Variants in MAST2 observed in about 807,000 individuals in gnomAD.
MAST2 encodes the protein microtubule associated serine/threonine kinase 2.
Under a neutral mutation model 147.4 loss-of-function variants are expected in MAST2, and 70 were observed. The observed-to-expected ratio is 0.47, with a 90% confidence interval of 0.39 to 0.58. The LOEUF (loss-of-function observed/expected upper bound fraction) is 0.58. Ranked by LOEUF, MAST2 falls within the 20% of genes least tolerant of loss-of-function variation. The probability of loss-of-function intolerance (pLI) is 0.00; values close to 1 mark genes in which losing one functional copy is unlikely to be tolerated. For synonymous variants in MAST2, 869 were observed against 896.8 expected, an observed-to-expected ratio of 0.97 and a Z score of 0.55; for missense variants, 2,080 against 2,302.3, an observed-to-expected ratio of 0.90 and a Z score of 1.98.
At chr1:45,952,985 T>C (rs543433441) in intron 4 of MAST2, among the ~76,000 whole-genome samples, 88 of 152,280 alleles carry the variant, frequency 5.8e-4, no homozygotes, top group African/African-American at 2.0e-3. Context: ...AATTTGGCAA[T>C]GTAAAAGTAA....
At chr1:45,915,054 C>T (rs759727473) in intron 4 of MAST2, among the ~76,000 whole-genome samples, 1 of 152,138 alleles carries the variant, frequency 6.6e-6, no homozygotes, top group Non-Finnish European at 1.5e-5. Context: ...ATCCTTCCAC[C>T]TCAGCAGCTG....
intron 3 of MAST2, among the ~76,000 whole-genome samples, chr1:45,854,709 GT>G (rs1452645408): frequency 1.3e-5 from 2 of 151,798 alleles, no homozygotes; most frequent in Admixed American, 6.6e-5. Flanking sequence ...ACATTTATGG[GT>G]TTTTTTTCCC....
chr1:45,911,645 C>A (rs1349415662), intron 4 of MAST2, among the ~76,000 whole-genome samples: 1 of 151,872 alleles, frequency 6.6e-6, no homozygotes, highest in Non-Finnish European at 1.5e-5. Context: ...TGCTACTTTT[C>A]TACTTACCAT....
intron 8 of MAST2, 66 bp from the exon 9 acceptor site, chr1:46,008,230 A>C (rs3922886): frequency 9.2e-7 from 1 of 1,086,566 alleles, no homozygotes; most frequent in Non-Finnish European, 1.4e-6. Context: ...GTCTCTGGGG[A>C]TGGCCATCTT....
chr1:45,886,913 T>TA (rs555134557), intron 4 of MAST2, among the ~76,000 whole-genome samples: 1 of 152,100 alleles, frequency 6.6e-6, no homozygotes, highest in Non-Finnish European at 1.5e-5. Context: ...TGCAGCCTGG[T>TA]CCTCCCTGGC....
At chr1:45,822,693 C>G (rs1644674301) in intron 1 of MAST2, among the ~76,000 whole-genome samples, 1 of 151,698 alleles carries the variant, frequency 6.6e-6, no homozygotes. Context: ...AGCTTGATGT[C>G]TTCCAAGGCC....
At chr1:46,010,467 A>G (rs1294129976) in intron 9 of MAST2, among the ~76,000 whole-genome samples, 1 of 152,198 alleles carries the variant, frequency 6.6e-6, no homozygotes, top group African/African-American at 2.4e-5. Context: ...CCGTACAGCA[A>G]AAGAGCTTGC....
chr1:45,921,458 G>A lies in MAST2; in HGVS notation c.501-37928G>A, dbSNP rs1216705339. ...AGGCTGCACTTGCCTCAAGCTACCA[G>A]CCTGGATCCCATGCCTCCAAAGAGA... On this transcript the variant is annotated intron_variant, in intron 4 of 28. Coordinates refer to ENST00000361297, the MANE Select transcript of MAST2 (RefSeq NM_015112.3). 3.9e-5 allele frequency among the ~76,000 whole-genome samples: 6 copies of A among 152,242 alleles called. No homozygotes were observed. In the East Asian group the frequency reaches 1.2e-3, roughly 29 times the overall value.
intron 2 of MAST2, 93 bp downstream of exon 2, chr1:45,824,673 T>C (rs1269953317): frequency 3.1e-5 from 40 of 1,303,904 alleles, no homozygotes; most frequent in Non-Finnish European, 4.1e-5. Flanking sequence ...GACAGTTTCT[T>C]CTCTGGTAGT....
intron 5 of MAST2, among the ~76,000 whole-genome samples, chr1:45,962,746 C>A (rs1473246252): frequency 6.6e-6 from 1 of 152,166 alleles, no homozygotes; most frequent in African/African-American, 2.4e-5. Context: ...ATGGTGATTT[C>A]TTTTTCTGTG....
At chr1:45,963,372 G>C (rs1184615602) in intron 5 of MAST2, among the ~76,000 whole-genome samples, 1 of 152,076 alleles carries the variant, frequency 6.6e-6, no homozygotes, top group Non-Finnish European at 1.5e-5. Context: ...CCATTTTCAC[G>C]ATATTGATTC....
At chr1:45,808,761 T>G (rs1050578122) in intron 1 of MAST2, among the ~76,000 whole-genome samples, 6 of 152,224 alleles carry the variant, frequency 3.9e-5, no homozygotes, top group Non-Finnish European at 8.8e-5. Context: ...CCCTGGCTAA[T>G]GGTAAGTGCT....
At chr1:45,805,942 C>A (rs2148620133) in intron 1 of MAST2, among the ~76,000 whole-genome samples, 1 of 152,324 alleles carries the variant, frequency 6.6e-6, no homozygotes, top group East Asian at 1.9e-4. Context: ...GCTTCCTCAC[C>A]TTGTATACAT....
rs187938476 is a variant in MAST2, at chr1:45,911,607, G to C, written c.500+29212G>C. Among the ~76,000 whole-genome samples the C allele has an allele frequency of 1.5e-3, 223 of 152,064 alleles. 5 individuals carry two copies. The South Asian group carries it at 0.036, about 25-fold the overall frequency. On this transcript the variant is annotated intron_variant, in intron 4 of 28. Transcript: ENST00000361297. ...TCTGGCTAGTATAATTCATATATAG[G>C]TAACCAGGTGCCAACATATTGAGGA... is the stretch of plus-strand genomic sequence containing the variant.
chr1:45,902,888 C>G (rs1650018907), intron 4 of MAST2, among the ~76,000 whole-genome samples: 1 of 151,952 alleles, frequency 6.6e-6, no homozygotes, highest in Non-Finnish European at 1.5e-5. Context: ...GTTAATCTAC[C>G]TAGCAGTTTA....
chr1:45,885,101 AG>A lies in MAST2; in HGVS notation c.500+2707del, dbSNP rs1647024361. On this transcript the variant is annotated intron_variant, in intron 4 of 28. Transcript: ENST00000361297. ...TGGAAAAACTGATGTTAATAAAATG[AG>A]TGACTTACCATTTGCTCCACTGTTT... Among the ~76,000 whole-genome samples the A allele has an allele frequency of 2.0e-5, 3 of 152,194 alleles. No individual in the cohort carries two copies. In the South Asian group the frequency reaches 6.2e-4, roughly 32 times the overall value.
chr1:46,001,126 A>G (rs1215262906), intron 6 of MAST2: 4 of 542,694 alleles, frequency 7.4e-6, no homozygotes. Flanking sequence ...CATGTCTTGC[A>G]AAGAGGCCCA....
chr1:45,894,375 G>A (rs908955418), intron 4 of MAST2, among the ~76,000 whole-genome samples: 4 of 152,086 alleles, frequency 2.6e-5, no homozygotes, highest in African/African-American at 4.8e-5. Context: ...TTATTTAACC[G>A]AAGTGACGGT....
chr1:45,889,601 T>C (rs1647356557), intron 4 of MAST2, among the ~76,000 whole-genome samples: 1 of 152,066 alleles, frequency 6.6e-6, no homozygotes, highest in Non-Finnish European at 1.5e-5. Flanking sequence ...ATTTTTGTTT[T>C]GTTTCGTTTT....
Sources: allele counts gnomAD v4.1 joint callset (sites outside exome capture counted in the v4.1 genomes callset), GRCh38; gene constraint gnomAD v4.1.1; transcripts MANE v1.5; gene names NCBI Gene and HGNC (gene_info 2026-07-23, HGNC 2026-07-21).